Variants in LRRC7 observed in about 807,000 individuals in gnomAD.
LRRC7 encodes leucine-rich repeat-containing protein 7.
LRRC7 carries 23 observed loss-of-function variants against 175.7 expected under a neutral mutation model. The observed-to-expected ratio is 0.13, with a 90% CI of 0.09 to 0.19. The LOEUF is 0.19. LRRC7 is among the 10% of genes least tolerant of loss of function. The probability of loss-of-function intolerance (pLI) is 1.00; values close to 1 mark genes in which losing one functional copy is unlikely to be tolerated. For missense variants in LRRC7, 1,354 were observed against 1,904.7 expected, an observed-to-expected ratio of 0.71 and a Z score of 5.38; for synonymous variants, 685 against 680.9, an observed-to-expected ratio of 1.01 and a Z score of -0.09.
In LRRC7 at chr1:69,889,705, G is replaced by A. The variant is rs531704213; in HGVS notation, c.648-41802G>A. On this transcript the variant is annotated intron_variant, in intron 7 of 26. Transcript: ENST00000651989. Reference sequence around the variant, plus strand: ...ACCTGTAGTCCCAGCTACTCAGGAGGCTGAGGTGGGAGGATCACTTGAGCC... The same window carrying A: ...ACCTGTAGTCCCAGCTACTCAGGAGACTGAGGTGGGAGGATCACTTGAGCC... Among the ~76,000 whole-genome samples the A allele has an allele frequency of 3.3e-5, 5 of 152,250 alleles. No homozygotes were observed. In the East Asian group the frequency reaches 9.7e-4, roughly 29 times the overall value.
intron 4 of LRRC7, among the ~76,000 whole-genome samples, chr1:69,816,127 G>C (rs947356560): frequency 1.3e-5 from 2 of 151,878 alleles, no homozygotes; most frequent in Admixed American, 6.6e-5. Flanking sequence ...AGAGGTGCCC[G>C]CCCTCACACC....
intron 2 of LRRC7, among the ~76,000 whole-genome samples, chr1:69,747,505 C>CGGG (rs1669383264): frequency 6.6e-6 from 1 of 152,146 alleles, no homozygotes. Context: ...TTAGAAACAA[C>CGGG]TACGCTGGTA....
intron 4 of LRRC7, among the ~76,000 whole-genome samples, chr1:69,821,509 T>C (rs1679293016): frequency 6.6e-6 from 1 of 152,174 alleles, no homozygotes; most frequent in Admixed American, 6.6e-5. Flanking sequence ...TGTCCATCTG[T>C]GCCCTCTTGT....
intron 1 of LRRC7, among the ~76,000 whole-genome samples, chr1:69,666,649 A>G (rs963234974): frequency 3.9e-5 from 6 of 152,014 alleles, no homozygotes; most frequent in Non-Finnish European, 7.4e-5. Context: ...TTTCTGTAGT[A>G]TCAGTTGTAA....
intron 2 of LRRC7, among the ~76,000 whole-genome samples, chr1:69,715,953 A>ACCCACAGC (rs1180214197): frequency 7.4e-4 from 113 of 152,074 alleles, no homozygotes; most frequent in Non-Finnish European, 9.4e-4. Context: ...GGATTTATAT[A>ACCCACAGC]CCCACAGCTC....
rs748851113 is a variant in LRRC7 at position 70,021,140 on chromosome 1, T to C, written c.1545+11T>C. ...GCTGGGAAAGTTAAGGTGAACCTTT[T>C]AGCTTTTGTTTCCTCTTTCTTCTCC... On this transcript the variant is annotated intron_variant, in intron 16 of 26. Transcript: ENST00000651989. The C allele has an allele frequency of 1.9e-6, 3 of 1,606,054 alleles. No homozygotes were observed. The African/African-American group carries it at 4.0e-5, about 22-fold the overall frequency.
intron 3 of LRRC7, among the ~76,000 whole-genome samples, chr1:69,781,881 A>C (rs201488041): frequency 6.9e-6 from 1 of 144,230 alleles, no homozygotes; most frequent in Admixed American, 6.9e-5. Flanking sequence ...AGGAAGAAAG[A>C]AAAGGAAGGA....
intron 9 of LRRC7, among the ~76,000 whole-genome samples, chr1:69,983,987 A>C (rs189475945): frequency 6.6e-6 from 1 of 152,012 alleles, no homozygotes; most frequent in Non-Finnish European, 1.5e-5. Context: ...GTTCAGTGGC[A>C]TGATCTCAGC....
intron 2 of LRRC7, among the ~76,000 whole-genome samples, chr1:69,751,388 T>C (rs1197928209): frequency 6.6e-6 from 1 of 151,854 alleles, no homozygotes; most frequent in Non-Finnish European, 1.5e-5. Context: ...GCATTACTAC[T>C]AGAAGATGGC....
At chr1:69,594,366 G>A (rs188844767) in intron 1 of LRRC7, among the ~76,000 whole-genome samples, 10 of 152,248 alleles carry the variant, frequency 6.6e-5, no homozygotes, top group Admixed American at 6.5e-4. Flanking sequence ...AAGGATTATA[G>A]TAACTTTTAG....
At chr1:69,860,553 G>C (rs917600817) in intron 7 of LRRC7, among the ~76,000 whole-genome samples, 2 of 151,774 alleles carry the variant, frequency 1.3e-5, no homozygotes, top group African/African-American at 4.8e-5. Flanking sequence ...CAAATCTCAG[G>C]CCTAATATAT....
chr1:69,915,622 G>A (rs1164671822), intron 7 of LRRC7, among the ~76,000 whole-genome samples: 5 of 151,994 alleles, frequency 3.3e-5, no homozygotes, highest in Admixed American at 6.6e-5. Flanking sequence ...AATAAGAAGC[G>A]TAACATTTTT....
intron 8 of LRRC7, among the ~76,000 whole-genome samples, chr1:69,945,629 T>C (rs1649226072): frequency 1.3e-5 from 2 of 152,156 alleles, no homozygotes; most frequent in Admixed American, 1.3e-4. Flanking sequence ...TTCCCATCCA[T>C]GAATATAGGA....
chr1:69,806,211 G>T (rs1677099554), intron 4 of LRRC7, among the ~76,000 whole-genome samples: 1 of 151,840 alleles, frequency 6.6e-6, no homozygotes, highest in African/African-American at 2.4e-5. Flanking sequence ...TGATAAGGAA[G>T]GAAAAATTCA....
At chr1:69,771,496 A>G (rs908948111) in intron 3 of LRRC7, among the ~76,000 whole-genome samples, 1 of 152,188 alleles carries the variant, frequency 6.6e-6, no homozygotes, top group Non-Finnish European at 1.5e-5. Context: ...TACTCATGCC[A>G]TCATTTATTT....
intron 2 of LRRC7, among the ~76,000 whole-genome samples, chr1:69,759,204 G>C (rs1345939685): frequency 6.6e-6 from 1 of 151,968 alleles, no homozygotes; most frequent in Non-Finnish European, 1.5e-5. Flanking sequence ...ACGGTGATTA[G>C]GAGGAGAGTC....
intron 4 of LRRC7, among the ~76,000 whole-genome samples, chr1:69,797,024 TTC>T (rs1675868242): frequency 6.6e-6 from 1 of 152,182 alleles, no homozygotes; most frequent in Non-Finnish European, 1.5e-5. Flanking sequence ...TCTCATTTAT[TTC>T]TCTGTTTGGA....
chr1:69,681,645 TAA>T (rs959445852), intron 2 of LRRC7, among the ~76,000 whole-genome samples: 2 of 151,998 alleles, frequency 1.3e-5, no homozygotes, highest in Non-Finnish European at 2.9e-5. Flanking sequence ...CAAAATAAAA[TAA>T]AAACTTTGTC....
Position 69,702,896 on chromosome 1 carries a change from G to A in LRRC7, c.100+24418G>A, listed in dbSNP as rs113160700. ...GTGTTTTTTTCTTTAATCAATAGCA[G>A]TCAGGAAAGGGTGAGCAGTTTTATG... is the stretch of plus-strand genomic sequence containing the variant. On this transcript the variant is annotated intron_variant, in intron 2 of 26. Transcript: ENST00000651989. Among the ~76,000 whole-genome samples the A allele has an allele frequency of 7.1e-3, 1,077 of 152,120 alleles. 18 individuals carry two copies. Among genetic ancestry groups the A allele is most frequent in the African/African-American group, 0.024 (1,011 of 41,508 alleles).
Sources: gnomAD v4.1 joint callset for allele counts (sites outside exome capture counted in the v4.1 genomes callset) on GRCh38, gnomAD v4.1.1 for gene constraint, MANE v1.5 for transcripts, NCBI Gene and HGNC (gene_info 2026-07-23, HGNC 2026-07-21) for gene names.